The following PIP5K1B variants were observed in gnomAD, a reference collection of about 807,000 sequenced individuals.
PIP5K1B encodes the protein phosphatidylinositol 4-phosphate 5-kinase type-1 beta.
A neutral mutation model predicts 67.0 loss-of-function variants in PIP5K1B; 42 were observed. The observed-to-expected ratio is 0.63, with a 90% CI of 0.49 to 0.81. PIP5K1B has a LOEUF of 0.81. Among genes scored for constraint, PIP5K1B ranks in the 30% least tolerant of loss-of-function variants. PIP5K1B has a pLI of 0.00. For missense variants in PIP5K1B, 459 were observed against 646.3 expected (o/e 0.71, Z 3.14); for synonymous variants, 214 against 231.4 (o/e 0.92, Z 0.68).
intron 2 of PIP5K1B, chr9:68,789,531 G>GGA: frequency 1.9e-6 from 1 of 516,670 alleles, no homozygotes; most frequent in Non-Finnish European, 4.0e-6. Flanking sequence ...AGGGATAACT[G>GGA]GAGGCACACT....
At chr9:68,904,162 C>A (rs1312075821) in intron 8 of PIP5K1B, among the ~76,000 whole-genome samples, 1 of 152,220 alleles carries the variant, frequency 6.6e-6, no homozygotes. Flanking sequence ...ATACCCAGGT[C>A]TCTCTGACTC....
Position 68,917,676 on chromosome 9 carries a change from G to A in PIP5K1B, c.900G>A (p.Gln300=). The part of the protein sequence containing the change: ...NVPDAKRTGM[Q]KVLYSTAMES... ...CTGATGCTAAGCGGACTGGGATGCAGAAGGTTCTCTACTCAACAGCCATGG... is the reference window on the plus strand; with the variant it reads ...CTGATGCTAAGCGGACTGGGATGCAAAAGGTTCTCTACTCAACAGCCATGG... The change falls in exon 9 of 16, where the codon CAG becomes CAA. Residue 300 remains glutamine, a synonymous_variant. Transcript: ENST00000265382. 2 of 1,614,202 alleles carry A rather than the reference G, an allele frequency of 1.2e-6. No individual in the cohort carries two copies. The highest frequency in any genetic ancestry group is 1.1e-5 in the South Asian group (1 of 91,084).
chr9:68,968,994 G>T (rs1407305541), intron 14 of PIP5K1B, among the ~76,000 whole-genome samples: 1 of 152,056 alleles, frequency 6.6e-6, no homozygotes, highest in African/African-American at 2.4e-5. Context: ...GTGTCTTTGG[G>T]CACAGTGCGT....
intron 1 of PIP5K1B, among the ~76,000 whole-genome samples, chr9:68,727,090 T>C (rs567159461): frequency 6.6e-6 from 1 of 152,308 alleles, no homozygotes; most frequent in East Asian, 1.9e-4. Context: ...ATGAAGACTT[T>C]AGTACTTAAC....
chr9:68,941,281 A>T (rs1827549243), intron 14 of PIP5K1B, among the ~76,000 whole-genome samples: 1 of 152,182 alleles, frequency 6.6e-6, no homozygotes, highest in Non-Finnish European at 1.5e-5. Context: ...TACAAATGGG[A>T]TTAAATTAAA....
At chr9:68,727,762 C>T (rs1018337644) in intron 1 of PIP5K1B, 2 of 152,164 alleles carry the variant, frequency 1.3e-5, no homozygotes, top group South Asian at 4.1e-4. Context: ...GCTGGCCCAG[C>T]CCCAGAGCCG....
chr9:68,890,392 G>T (rs1171380778), intron 7 of PIP5K1B, among the ~76,000 whole-genome samples: 1 of 152,140 alleles, frequency 6.6e-6, no homozygotes, highest in Non-Finnish European at 1.5e-5. Context: ...GATTGGAAGG[G>T]CTACATGAAG....
intron 4 of PIP5K1B, among the ~76,000 whole-genome samples, chr9:68,825,898 T>A (rs1185646816): frequency 6.6e-6 from 1 of 152,116 alleles, no homozygotes; most frequent in Non-Finnish European, 1.5e-5. Context: ...GCGTCATGAG[T>A]GCTATGATTT....
At chr9:68,869,642 A>G (rs1012770789) in intron 5 of PIP5K1B, among the ~76,000 whole-genome samples, 4 of 152,212 alleles carry the variant, frequency 2.6e-5, no homozygotes, top group African/African-American at 9.6e-5. Flanking sequence ...CAGAGACTGT[A>G]TGGCCCACAG....
In PIP5K1B at chr9:68,909,939, A is replaced by G. The variant is rs142453144; in HGVS notation, c.772-7609A>G. On this transcript the variant is annotated intron_variant, in intron 8 of 15. Coordinates refer to ENST00000265382, the MANE Select transcript of PIP5K1B (RefSeq NM_003558.4). ...TTTTAAACAAAAGAGTACCTGTCAC[A>G]TAGTAGGTGCGCAATAAAATACGTA... Among the ~76,000 whole-genome samples the G allele has an allele frequency of 3.8e-3, 577 of 152,306 alleles. 4 individuals carry two copies. Among genetic ancestry groups the G allele is most frequent in the African/African-American group, 0.013 (520 of 41,554 alleles).
chr9:68,856,656 CTT>C (rs932325839), intron 4 of PIP5K1B, among the ~76,000 whole-genome samples: 9 of 152,234 alleles, frequency 5.9e-5, no homozygotes, highest in African/African-American at 1.7e-4. Context: ...AACCACGTCT[CTT>C]TTTCGGCTTA....
At chr9:68,905,924 G>C (rs115235623) in intron 8 of PIP5K1B, among the ~76,000 whole-genome samples, 2 of 152,132 alleles carry the variant, frequency 1.3e-5, no homozygotes, top group African/African-American at 4.8e-5. Context: ...ATCCCTGTCA[G>C]TATCAGTCCA....
intron 3 of PIP5K1B, among the ~76,000 whole-genome samples, chr9:68,821,753 T>C (rs1833741778): frequency 6.6e-6 from 1 of 152,226 alleles, no homozygotes; most frequent in South Asian, 2.1e-4. Flanking sequence ...TAGATAAAGA[T>C]ATAAGCATAA....
chr9:69,000,192 T>A (rs1226504515), intron 15 of PIP5K1B, among the ~76,000 whole-genome samples: 1 of 152,172 alleles, frequency 6.6e-6, no homozygotes, highest in Non-Finnish European at 1.5e-5. Flanking sequence ...TTCTTTCTAC[T>A]GTTTAGGCAG....
At chr9:68,859,404 T>G (rs1328931484) in intron 4 of PIP5K1B, among the ~76,000 whole-genome samples, 1 of 152,214 alleles carries the variant, frequency 6.6e-6, no homozygotes, top group Non-Finnish European at 1.5e-5. Flanking sequence ...TAGAGGTTTT[T>G]CTAGTATCCA....
chr9:68,738,444 TA>T (rs1828848669), intron 1 of PIP5K1B, among the ~76,000 whole-genome samples: 2 of 152,214 alleles, frequency 1.3e-5, no homozygotes, highest in African/African-American at 4.8e-5. Flanking sequence ...GAGCATGCTA[TA>T]ATAAAGAATT....
chr9:68,801,930 T>C (rs1367916248), intron 2 of PIP5K1B, among the ~76,000 whole-genome samples: 4 of 152,184 alleles, frequency 2.6e-5, no homozygotes, highest in African/African-American at 9.7e-5. Context: ...AGTCAGTGTG[T>C]TACCATCACA....
At chr9:68,936,977 A>G (rs1827294949) in intron 13 of PIP5K1B, among the ~76,000 whole-genome samples, 1 of 152,210 alleles carries the variant, frequency 6.6e-6, no homozygotes, top group African/African-American at 2.4e-5. Context: ...ATCATGGTGG[A>G]TAAGCTTTTT....
At chr9:68,871,170 C>T (rs1302542027) in intron 5 of PIP5K1B, among the ~76,000 whole-genome samples, 2 of 152,208 alleles carry the variant, frequency 1.3e-5, no homozygotes, top group Non-Finnish European at 2.9e-5. Flanking sequence ...TACCCACCAG[C>T]CCCTGTGGTG....
Sources: allele counts gnomAD v4.1 joint callset (sites outside exome capture counted in the v4.1 genomes callset), GRCh38; gene constraint gnomAD v4.1.1; transcripts MANE v1.5; gene names NCBI Gene and HGNC (gene_info 2026-07-23, HGNC 2026-07-21).